Variants in TBC1D22A observed in about 807,000 individuals in gnomAD.
TBC1D22A encodes TBC1 domain family member 22A.
TBC1D22A carries 38 observed loss-of-function variants against 60.2 expected under a neutral mutation model. The observed-to-expected ratio is 0.63, with a 90% confidence interval of 0.49 to 0.83. The LOEUF (loss-of-function observed/expected upper bound fraction) is 0.83. Ranked by LOEUF, TBC1D22A falls within the 40% of genes least tolerant of loss-of-function variation. TBC1D22A has a pLI of 0.00. For synonymous variants in TBC1D22A, 302 were observed against 281.7 expected (o/e 1.07, Z -0.72); for missense variants, 628 against 701.0 (o/e 0.90, Z 1.18).
At chr22:46,792,920 G>C (rs759136850) in intron 2 of TBC1D22A, 4 of 1,367,372 alleles carry the variant, frequency 2.9e-6, no homozygotes, top group Non-Finnish European at 3.8e-6. Flanking sequence ...TTCTCCACCA[G>C]CTGCTGGAGC....
chr22:46,763,811 T>G (rs770959251), intron 1 of TBC1D22A: 10 of 152,208 alleles, frequency 6.6e-5, no homozygotes, highest in Non-Finnish European at 1.5e-4. Flanking sequence ...AAGTTTACTT[T>G]TGGCCAGGTG....
intron 10 of TBC1D22A, among the ~76,000 whole-genome samples, chr22:47,001,401 G>A (rs1310230346): frequency 7.2e-6 from 1 of 139,092 alleles, no homozygotes; most frequent in Non-Finnish European, 1.5e-5. Flanking sequence ...CCGAGATCGC[G>A]CCATTGTACT....
At chr22:46,784,855 T>C (rs1436596643) in intron 1 of TBC1D22A, among the ~76,000 whole-genome samples, 1 of 152,238 alleles carries the variant, frequency 6.6e-6, no homozygotes, top group Non-Finnish European at 1.5e-5. Flanking sequence ...ATTTCATACA[T>C]GTTCTTATTC....
intron 12 of TBC1D22A, among the ~76,000 whole-genome samples, chr22:47,171,233 A>G (rs993147588): frequency 2.0e-5 from 3 of 152,282 alleles, no homozygotes; most frequent in South Asian, 4.2e-4. Context: ...CCTCCATGCC[A>G]GTCTTGCTGG....
intron 6 of TBC1D22A, among the ~76,000 whole-genome samples, chr22:46,894,468 T>C (rs2068565363): frequency 1.3e-5 from 2 of 152,208 alleles, no homozygotes; most frequent in African/African-American, 4.8e-5. Context: ...TGAAAATCGA[T>C]GTTTACTAAT....
At chr22:47,147,408 C>G (rs1324222813) in intron 12 of TBC1D22A, among the ~76,000 whole-genome samples, 2 of 152,102 alleles carry the variant, frequency 1.3e-5, no homozygotes, top group East Asian at 3.9e-4. Context: ...CTGACTTGAC[C>G]TTGAGTGGAT....
intron 10 of TBC1D22A, among the ~76,000 whole-genome samples, chr22:47,033,078 A>C (rs1201429918): frequency 6.6e-6 from 1 of 152,182 alleles, no homozygotes; most frequent in African/African-American, 2.4e-5. Flanking sequence ...TGTTGAGTAA[A>C]TGGAGTCATT....
chr22:47,125,862 G>A (rs2066434020), intron 12 of TBC1D22A, among the ~76,000 whole-genome samples: 1 of 152,234 alleles, frequency 6.6e-6, no homozygotes, highest in South Asian at 2.1e-4. Context: ...CCAACATCGG[G>A]TGTCCCAGGA....
chr22:46,988,494 T>C (rs536940884), intron 9 of TBC1D22A, among the ~76,000 whole-genome samples: 16 of 152,374 alleles, frequency 1.1e-4, no homozygotes, highest in Non-Finnish European at 1.8e-4. Context: ...ATCCATGGTC[T>C]GCAGAACGAA....
chr22:47,047,913 A>G (rs73471622), intron 11 of TBC1D22A, among the ~76,000 whole-genome samples: 11,313 of 152,146 alleles, frequency 0.074, 848 homozygotes, highest in African/African-American at 0.19. Flanking sequence ...TGCCCACAGG[A>G]CTTCTCCAAA....
At position 47,030,966 on chromosome 22, in the gene TBC1D22A, A is replaced by C. The variant is rs117423193; in HGVS notation, c.1202-6105A>C. On this transcript the variant is annotated intron_variant, in intron 10 of 12. Coordinates refer to ENST00000337137, the MANE Select transcript of TBC1D22A (RefSeq NM_014346.5). ...CACCCTTCATGACGTGCTGCCAGAG[A>C]AGCCACGGAGTCGTGCTAAGTGACC... is the stretch of plus-strand genomic sequence containing the variant. 3.9e-4 allele frequency among the ~76,000 whole-genome samples: 60 copies of C among 152,296 alleles called. No individual in the cohort carries two copies. The East Asian group carries it at 0.01, about 26-fold the overall frequency.
intron 1 of TBC1D22A, among the ~76,000 whole-genome samples, chr22:46,788,594 G>T (rs556256017): frequency 3.3e-5 from 5 of 152,294 alleles, no homozygotes; most frequent in Non-Finnish European, 5.9e-5. Context: ...TGTGGTTCAT[G>T]CCACAGGGCG....
At chr22:46,919,761 T>C (rs1167269595) in intron 8 of TBC1D22A, among the ~76,000 whole-genome samples, 1 of 148,202 alleles carries the variant, frequency 6.7e-6, no homozygotes, top group Non-Finnish European at 1.5e-5. Context: ...CTTTACTGAA[T>C]CTTATATTAA....
intron 3 of TBC1D22A, among the ~76,000 whole-genome samples, chr22:46,795,788 C>T (rs1028774773): frequency 3.3e-5 from 5 of 152,188 alleles, no homozygotes; most frequent in African/African-American, 7.2e-5. Context: ...CGGCCCCTTA[C>T]GTGTCCTGAT....
At chr22:46,901,322 G>A (rs896108972) in intron 7 of TBC1D22A, among the ~76,000 whole-genome samples, 3 of 152,216 alleles carry the variant, frequency 2.0e-5, no homozygotes, top group Non-Finnish European at 2.9e-5. Context: ...ATGCCCGGAT[G>A]TGGAATCCTC....
chr22:47,173,382 C>T, intron 12 of TBC1D22A, 116 bp from the exon 13 acceptor site: 3 of 1,399,730 alleles, frequency 2.1e-6, no homozygotes, highest in Non-Finnish European at 2.9e-6. Flanking sequence ...ACCCGCCCTG[C>T]ACCGTGGGTC....
chr22:47,076,361 G>GTA (rs769322904), intron 11 of TBC1D22A, among the ~76,000 whole-genome samples: 1,991 of 101,824 alleles, frequency 0.02, 42 homozygotes, highest in Admixed American at 0.028. Context: ...ATATGTGTGT[G>GTA]TATATATATA....
chr22:46,884,190 G>C lies in TBC1D22A; in HGVS notation c.708+5467G>C, dbSNP rs1037506989. On this transcript the variant is annotated intron_variant, in intron 5 of 12. Coordinates refer to ENST00000337137, the MANE Select transcript of TBC1D22A (RefSeq NM_014346.5). ...ATGTGAGGAGTGCTGTAGGAAAAGGGCTGGGATCAGCTTGGTGGGATGGTG... is the reference window on the plus strand; with the variant it reads ...ATGTGAGGAGTGCTGTAGGAAAAGGCCTGGGATCAGCTTGGTGGGATGGTG... Among the ~76,000 whole-genome samples, 3 of 152,236 alleles carry C rather than the reference G, an allele frequency of 2.0e-5. No individual in the cohort carries two copies. The East Asian group carries it at 5.8e-4, about 29-fold the overall frequency.
In TBC1D22A at chr22:46,927,243, G is replaced by A. The variant is rs117601027; in HGVS notation, c.1015+15055G>A. Among the ~76,000 whole-genome samples, 28 of 152,294 alleles carry A rather than the reference G, an allele frequency of 1.8e-4. No homozygotes were observed. In the East Asian group the frequency reaches 3.9e-3, roughly 21 times the overall value. On this transcript the variant is annotated intron_variant, in intron 8 of 12. Transcript: ENST00000337137. ...AACTAAATCTAGCAACGTATTGAAA[G>A]GATTAGGCATTATTACAAGTGGAAT...
Sources: allele counts gnomAD v4.1 joint callset (sites outside exome capture counted in the v4.1 genomes callset), GRCh38; gene constraint gnomAD v4.1.1; transcripts MANE v1.5; gene names NCBI Gene and HGNC (gene_info 2026-07-23, HGNC 2026-07-21).